CHSY3: variants seen among roughly 807,000 people sequenced by gnomAD.
The protein encoded by CHSY3 is chondroitin sulfate synthase 3.
In CHSY3, 35 loss-of-function variants were observed where a neutral mutation model predicts 67.2. That is an observed-to-expected ratio of 0.52 (90% CI 0.40 to 0.69). The LOEUF (loss-of-function observed/expected upper bound fraction) is 0.69, where lower values mean the gene tolerates loss of function less well. Among genes scored for constraint, CHSY3 ranks in the 30% least tolerant of loss-of-function variants. The pLI is 0.00. For missense variants in CHSY3, 1,069 were observed against 1,138.5 expected (o/e 0.94, Z 0.88); for synonymous variants, 474 against 434.7 (o/e 1.09, Z -1.12).
chr5:130,063,203 G>A lies in CHSY3; in HGVS notation c.1087-121026G>A, dbSNP rs566918089. Among the ~76,000 whole-genome samples, 6 of 152,000 alleles carry A rather than the reference G, an allele frequency of 3.9e-5. No homozygotes were observed. In the South Asian group the frequency reaches 1.0e-3, roughly 26 times the overall value. ...TAATTTTGTGAATATATGTCTACTC[G>A]CCTGAATCTCAATCAGGTATTTGAT... is the stretch of plus-strand genomic sequence containing the variant. On this transcript the variant is annotated intron_variant, in intron 2 of 2. Coordinates refer to ENST00000305031, the MANE Select transcript of CHSY3 (RefSeq NM_175856.5).
At chr5:130,146,041 A>C (rs1420375414) in intron 2 of CHSY3, among the ~76,000 whole-genome samples, 5 of 152,166 alleles carry the variant, frequency 3.3e-5, no homozygotes, top group African/African-American at 9.6e-5. Flanking sequence ...AACAGTATGG[A>C]GATTCCTCAA....
At chr5:129,935,772 G>GC (rs1274769167) in intron 2 of CHSY3, among the ~76,000 whole-genome samples, 1 of 152,126 alleles carries the variant, frequency 6.6e-6, no homozygotes, top group Non-Finnish European at 1.5e-5. Flanking sequence ...CTAAACTGAA[G>GC]CTGCCACATG....
intron 2 of CHSY3, among the ~76,000 whole-genome samples, chr5:129,985,518 T>G (rs1763169843): frequency 6.6e-6 from 1 of 152,054 alleles, no homozygotes; most frequent in African/African-American, 2.4e-5. Context: ...CTTTTTTTTT[T>G]GGTTCCAAAT....
chr5:130,045,840 C>T (rs1490899611), intron 2 of CHSY3, among the ~76,000 whole-genome samples: 1 of 152,080 alleles, frequency 6.6e-6, no homozygotes, highest in African/African-American at 2.4e-5. Context: ...TAAAAGCTCT[C>T]AACCTTGCCA....
chr5:130,014,627 G>A (rs1764162496), intron 2 of CHSY3, among the ~76,000 whole-genome samples: 2 of 152,200 alleles, frequency 1.3e-5, no homozygotes, highest in East Asian at 1.9e-4. Context: ...TGACATGTGG[G>A]GATTATGAGA....
At chr5:130,057,900 C>G (rs1027271074) in intron 2 of CHSY3, among the ~76,000 whole-genome samples, 9 of 149,216 alleles carry the variant, frequency 6.0e-5, no homozygotes, top group Admixed American at 3.4e-4. Context: ...TACATGCACA[C>G]AGAGAGAGAG....
Position 129,904,540 on chromosome 5 carries a change from AGCTGCCGCT to A in CHSY3, c.-281_-273del, listed in dbSNP as rs1045066257. ...CTCCTCCTCCTCCTGCAGCTCCTCC[AGCTGCCGCT>A]GCTGCCGCCGCTGCCGCCACCGCCG... On this transcript the variant is annotated 5_prime_UTR_variant, in exon 1 of 3. Transcript: ENST00000305031. 56 of 331,766 alleles carry A rather than the reference AGCTGCCGCT, an allele frequency of 1.7e-4. No homozygotes were observed. The highest frequency in any genetic ancestry group is 6.1e-4 in the African/African-American group (28 of 45,966). 20.6% of individuals were successfully genotyped at this position (331,766 alleles called of 1,614,324 possible).
At position 130,178,253 on chromosome 5, in the gene CHSY3, A is replaced by AT. The variant is rs10699248; in HGVS notation, c.1087-5959dup. Among the ~76,000 whole-genome samples, 330 of 45,902 alleles carry AT rather than the reference A, an allele frequency of 7.2e-3. 12 individuals are homozygous for AT. Among genetic ancestry groups the AT allele is most frequent in the African/African-American group, 0.016 (162 of 9,854 alleles). 30.1% of individuals were successfully genotyped at this position (45,902 alleles called of 152,430 possible). A position where few individuals can be genotyped will look rare whatever the true frequency, so the allele number is the denominator to read the frequency against. On this transcript the variant is annotated intron_variant, in intron 2 of 2. Transcript: ENST00000305031. ...TATATATATATATATATATATATAT[A>AT]TTTTTTTTTTTTTTTTTCCTGAGAC...
intron 2 of CHSY3, among the ~76,000 whole-genome samples, chr5:130,055,048 A>G (rs1398932874): frequency 6.6e-6 from 1 of 152,126 alleles, no homozygotes; most frequent in African/African-American, 2.4e-5. Context: ...CCAATCTTGT[A>G]TCACTACTCT....
intron 1 of CHSY3, 74 bp from the exon 2 acceptor site, chr5:129,908,003 C>G: frequency 6.5e-7 from 1 of 1,530,482 alleles, no homozygotes; most frequent in Non-Finnish European, 8.8e-7. Context: ...GTTGAAAGTT[C>G]TGTCCCTTAC....
At chr5:130,060,814 G>GAC (rs375125541) in intron 2 of CHSY3, among the ~76,000 whole-genome samples, 8 of 151,348 alleles carry the variant, frequency 5.3e-5, no homozygotes, top group South Asian at 2.1e-4. Context: ...ATTTACAATA[G>GAC]ACACACACAC....
At chr5:130,142,152 G>T (rs1054766514) in intron 2 of CHSY3, among the ~76,000 whole-genome samples, 2 of 152,124 alleles carry the variant, frequency 1.3e-5, no homozygotes, top group Non-Finnish European at 2.9e-5. Flanking sequence ...AGTGGAAAAG[G>T]TAATGTCTTA....
intron 2 of CHSY3, among the ~76,000 whole-genome samples, chr5:130,104,681 G>A (rs959705302): frequency 2.6e-5 from 4 of 151,708 alleles, no homozygotes; most frequent in African/African-American, 7.3e-5. Context: ...GTAGCGTAAG[G>A]CCTGTCATAC....
chr5:130,079,256 A>G (rs1397052162), intron 2 of CHSY3, among the ~76,000 whole-genome samples: 1 of 152,134 alleles, frequency 6.6e-6, no homozygotes, highest in Non-Finnish European at 1.5e-5. Context: ...TTAGAAATTT[A>G]GACCTGACTT....
intron 2 of CHSY3, among the ~76,000 whole-genome samples, chr5:130,161,130 T>C (rs1769530172): frequency 6.6e-6 from 1 of 152,040 alleles, no homozygotes; most frequent in South Asian, 2.1e-4. Context: ...GGTCTCGATC[T>C]CCTGACCTCA....
intron 1 of CHSY3, 79 bp from the exon 2 acceptor site, chr5:129,907,998 A>C: frequency 1.3e-6 from 2 of 1,520,328 alleles, no homozygotes; most frequent in Non-Finnish European, 8.8e-7. Context: ...ACAATGTTGA[A>C]AGTTCTGTCC....
At position 130,017,999 on chromosome 5, in the gene CHSY3, C is replaced by T. The variant is rs979201008; in HGVS notation, c.1086+109639C>T. 1.2e-4 allele frequency among the ~76,000 whole-genome samples: 18 copies of T among 152,162 alleles called. 1 individual carries two copies. Among genetic ancestry groups the T allele is most frequent in the Middle Eastern group, 3.4e-3 (1 of 292 alleles). On this transcript the variant is annotated intron_variant, in intron 2 of 2. Coordinates refer to ENST00000305031, the MANE Select transcript of CHSY3 (RefSeq NM_175856.5). The stretch of plus-strand genomic sequence containing the variant: ...TGTAGTAACTGTTCGGTTTCTGTGC[C>T]CACTGTCTGGTAATCTGATGTGGAT...
At chr5:129,986,194 T>C (rs1348449009) in intron 2 of CHSY3, among the ~76,000 whole-genome samples, 1 of 152,140 alleles carries the variant, frequency 6.6e-6, no homozygotes, top group Non-Finnish European at 1.5e-5. Flanking sequence ...TTTTGAGGTA[T>C]GTACATTCAG....
intron 2 of CHSY3, among the ~76,000 whole-genome samples, chr5:129,988,342 A>G (rs1406581597): frequency 6.6e-6 from 1 of 152,184 alleles, no homozygotes; most frequent in Admixed American, 6.5e-5. Flanking sequence ...AAAAGTTATT[A>G]ATGTTTTCTT....
Sources: gnomAD v4.1 joint callset for allele counts (sites outside exome capture counted in the v4.1 genomes callset) on GRCh38, gnomAD v4.1.1 for gene constraint, MANE v1.5 for transcripts, NCBI Gene and HGNC (gene_info 2026-07-23, HGNC 2026-07-21) for gene names.